DGKB: variants seen among roughly 807,000 people sequenced by gnomAD.
DGKB encodes the protein diacylglycerol kinase beta.
Under a neutral mutation model 114.3 loss-of-function variants are expected in DGKB, and 67 were observed. The observed-to-expected ratio is 0.59, with a 90% CI of 0.48 to 0.72. DGKB has a LOEUF of 0.72. Among genes scored for constraint, DGKB ranks in the 30% least tolerant of loss-of-function variants. DGKB has a pLI of 0.00. For synonymous variants in DGKB, 398 were observed against 323.1 expected (o/e 1.23, Z -2.49); for missense variants, 907 against 975.2 (o/e 0.93, Z 0.93).
chr7:14,787,939 ATTACAGG>A (rs67562594), intron 2 of DGKB, among the ~76,000 whole-genome samples: 18,157 of 152,150 alleles, frequency 0.12, 1,310 homozygotes, highest in East Asian at 0.23. Context: ...ATCCACCACC[ATTACAGG>A]TCAGCATTTG....
chr7:14,346,647 A>G (rs1305100791), intron 21 of DGKB, among the ~76,000 whole-genome samples: 1 of 151,972 alleles, frequency 6.6e-6, no homozygotes, highest in Non-Finnish European at 1.5e-5. Flanking sequence ...ATAGTGAAGT[A>G]GGTTAGAGGT....
intron 3 of DGKB, among the ~76,000 whole-genome samples, chr7:14,754,346 T>G (rs138199398): frequency 2.6e-5 from 4 of 152,148 alleles, no homozygotes; most frequent in South Asian, 2.1e-4. Flanking sequence ...ACATACAGTG[T>G]GATTAAAATA....
chr7:14,629,999 A>G (rs1809390469), intron 14 of DGKB, among the ~76,000 whole-genome samples: 1 of 152,108 alleles, frequency 6.6e-6, no homozygotes, highest in African/African-American at 2.4e-5. Flanking sequence ...AGTCTAGGTC[A>G]CATAACTTCT....
At chr7:14,758,846 T>C (rs916189857) in intron 2 of DGKB, among the ~76,000 whole-genome samples, 1 of 152,174 alleles carries the variant, frequency 6.6e-6, no homozygotes, top group African/African-American at 2.4e-5. Flanking sequence ...CCTTTCTTTA[T>C]ATTGTAAATT....
At chr7:14,660,722 C>A (rs1042480949) in intron 13 of DGKB, among the ~76,000 whole-genome samples, 8 of 151,702 alleles carry the variant, frequency 5.3e-5, no homozygotes, top group African/African-American at 1.7e-4. Flanking sequence ...TCATATGGAA[C>A]CAAAAAAGAG....
At chr7:14,811,676 T>C (rs959656326) in intron 2 of DGKB, among the ~76,000 whole-genome samples, 8 of 152,118 alleles carry the variant, frequency 5.3e-5, no homozygotes, top group African/African-American at 1.9e-4. Context: ...TAAAACAATA[T>C]TCTAATGTCA....
chr7:14,823,550 T>C (rs1051469413), intron 2 of DGKB, among the ~76,000 whole-genome samples: 4 of 152,160 alleles, frequency 2.6e-5, no homozygotes, highest in Non-Finnish European at 5.9e-5. Flanking sequence ...TGACTATCCA[T>C]GCTTTAAAAT....
At chr7:14,320,303 T>C (rs2128531332) in intron 23 of DGKB, among the ~76,000 whole-genome samples, 1 of 152,264 alleles carries the variant, frequency 6.6e-6, no homozygotes, top group Admixed American at 6.5e-5. Context: ...CTAACAAAAC[T>C]CAGCATATGG....
chr7:14,338,361 A>G (rs1015892762), intron 23 of DGKB, among the ~76,000 whole-genome samples, 154 bp downstream of exon 23: 14 of 152,168 alleles, frequency 9.2e-5, no homozygotes, highest in African/African-American at 3.4e-4. Context: ...CTATTGTGAT[A>G]TAAGTTAATC....
At chr7:14,294,507 G>A (rs1446861059) in intron 23 of DGKB, among the ~76,000 whole-genome samples, 1 of 152,172 alleles carries the variant, frequency 6.6e-6, no homozygotes, top group African/African-American at 2.4e-5. Context: ...TGAATAAATT[G>A]AGAAGTCAGA....
intron 20 of DGKB, among the ~76,000 whole-genome samples, chr7:14,514,896 A>G (rs1423576182): frequency 6.6e-6 from 1 of 152,086 alleles, no homozygotes; most frequent in Non-Finnish European, 1.5e-5. Flanking sequence ...TCTAGGGAAA[A>G]AAAGAAATTG....
intron 19 of DGKB, among the ~76,000 whole-genome samples, chr7:14,577,995 G>A (rs765148918): frequency 1.5e-4 from 23 of 152,214 alleles, no homozygotes; most frequent in Non-Finnish European, 2.8e-4. Flanking sequence ...CTCATTTTTA[G>A]TTGTAATCCC....
chr7:14,497,544 G>A (rs1034211484), intron 20 of DGKB, among the ~76,000 whole-genome samples: 3 of 151,696 alleles, frequency 2.0e-5, no homozygotes, highest in African/African-American at 7.3e-5. Flanking sequence ...AAACAATCAT[G>A]TCCCTATATT....
chr7:14,564,303 C>A (rs943963691), intron 20 of DGKB, among the ~76,000 whole-genome samples: 1 of 152,120 alleles, frequency 6.6e-6, no homozygotes, highest in Non-Finnish European at 1.5e-5. Flanking sequence ...TCAAACTAAC[C>A]TCTTCCTTCC....
At chr7:14,550,707 A>T (rs184622134) in intron 20 of DGKB, among the ~76,000 whole-genome samples, 1 of 152,320 alleles carries the variant, frequency 6.6e-6, no homozygotes, top group East Asian at 1.9e-4. Context: ...AATCTCACTT[A>T]AGAACCAAAT....
chr7:14,380,602 T>C (rs945539759), intron 21 of DGKB, among the ~76,000 whole-genome samples: 4 of 152,228 alleles, frequency 2.6e-5, no homozygotes, highest in African/African-American at 9.6e-5. Flanking sequence ...TATCACAACA[T>C]AGTGTTATTC....
At chr7:14,701,423 T>TA (rs1395485384) in intron 7 of DGKB, among the ~76,000 whole-genome samples, 13 of 152,216 alleles carry the variant, frequency 8.5e-5, no homozygotes, top group African/African-American at 2.7e-4. Flanking sequence ...TTCTTTTTTT[T>TA]ACCTAACTTC....
chr7:14,226,925 T>C (rs1295638997), intron 23 of DGKB, among the ~76,000 whole-genome samples: 1 of 152,040 alleles, frequency 6.6e-6, no homozygotes, highest in Non-Finnish European at 1.5e-5. Flanking sequence ...ATCTATTTAA[T>C]GGGGGTCTCA....
chr7:14,960,613 A>G (rs1208702696), intron 1 of DGKB, among the ~76,000 whole-genome samples: 1 of 152,102 alleles, frequency 6.6e-6, no homozygotes, highest in African/African-American at 2.4e-5. Flanking sequence ...TATTATACAA[A>G]TATAATTTTG....
Sources: allele counts gnomAD v4.1 joint callset (sites outside exome capture counted in the v4.1 genomes callset), GRCh38; gene constraint gnomAD v4.1.1; transcripts MANE v1.5; gene names NCBI Gene and HGNC (gene_info 2026-07-23, HGNC 2026-07-21).